LIAS: variants seen among roughly 807,000 people sequenced by gnomAD.
LIAS encodes the protein lipoic acid synthetase, also known as lipoyl synthase, mitochondrial.
Under a neutral mutation model 49.4 loss-of-function variants are expected in LIAS, and 36 were observed. The ratio of observed to expected loss-of-function variants is 0.73; its 90% CI spans 0.56 to 0.96. The LOEUF is 0.96. LIAS is among the 40% of genes least tolerant of loss of function. The probability of loss-of-function intolerance (pLI) is 0.00; values close to 1 mark genes in which losing one functional copy is unlikely to be tolerated. For synonymous variants in LIAS, 145 were observed against 155.8 expected, an observed-to-expected ratio of 0.93 and a Z score of 0.52; for missense variants, 399 against 456.3, an observed-to-expected ratio of 0.87 and a Z score of 1.14.
intron 7 of LIAS, chr4:39,469,207 G>C (rs1291565999): frequency 6.6e-6 from 1 of 152,162 alleles, no homozygotes; most frequent in African/African-American, 2.4e-5. Context: ...ATAAACAGTA[G>C]AGACCATAAC....
At chr4:39,461,034 C>A in intron 2 of LIAS, 72 bp downstream of exon 2, 1 of 1,280,698 alleles carries the variant, frequency 7.8e-7, no homozygotes, top group Non-Finnish European at 1.1e-6. Context: ...ATAACCAAGC[C>A]CTAGAATCTG....
intron 6 of LIAS, 132 bp from the exon 7 acceptor site, chr4:39,467,386 C>A: frequency 1.3e-6 from 1 of 761,496 alleles, no homozygotes; most frequent in Non-Finnish European, 1.9e-6. Context: ...TCTGTATGTT[C>A]ATACTTTTCT....
chr4:39,459,057 T>G lies in LIAS; in HGVS notation c.-61T>G. On this transcript the variant is annotated 5_prime_UTR_variant, in exon 1 of 11. Transcript: ENST00000640888. ...TAAATGGAGCGACGTAATTTCGACC[T>G]GTCCTTTCCCGGGAGTTAGCGATCC... The G allele has an allele frequency of 6.3e-7, 1 of 1,585,000 alleles. No individual in the cohort carries two copies. The highest frequency in any genetic ancestry group is 8.7e-7 in the Non-Finnish European group (1 of 1,153,446).
Position 39,462,139 on chromosome 4 carries a change from T to G in LIAS, c.219-57T>G. ...TAATAGAAGAAATTAACTTCAAAGC[T>G]GTGTAATTATTTGGCAGCATATTTG... On this transcript the variant is annotated intron_variant, in intron 2 of 10. Coordinates refer to ENST00000640888, the MANE Select transcript of LIAS (RefSeq NM_006859.4). 3 of 702,372 alleles carry G rather than the reference T, an allele frequency of 4.3e-6. No homozygotes were observed. The Middle Eastern group carries it at 8.6e-4, about 202-fold the overall frequency. The allele number at this position is 702,372 out of a possible 1,614,324, so 43.5% of individuals were successfully genotyped here.
rs1578235162 is a variant in LIAS, at chr4:39,463,511, C to T, written c.313-14C>T. ...TTGTCAACCTAATGGTGTTCCATTT[C>T]CTTTTGCATACAGGTATGTGAGGAA... is the stretch of plus-strand genomic sequence containing the variant. On this transcript the variant is annotated splice_polypyrimidine_tract_variant and intron_variant, in intron 3 of 10. Transcript: ENST00000640888. 1.9e-6 allele frequency: 3 copies of T among 1,580,148 alleles called. No homozygotes were observed. Among genetic ancestry groups the T allele is most frequent in the African/African-American group, 2.7e-5 (2 of 74,038 alleles).
chr4:39,477,032 A>T, intron 10 of LIAS, 31 bp from the exon 11 acceptor site: 1 of 1,368,026 alleles, frequency 7.3e-7, no homozygotes, highest in Non-Finnish European at 1.0e-6. Context: ...CTTTAAATTG[A>T]TATTAATGTG....
At position 39,478,342 on chromosome 4, in the gene LIAS, A is replaced by AAAAAT. The variant is rs1202381901; in HGVS notation, c.*1232_*1236dup. 6.6e-6 allele frequency: 1 copy of AAAAAT among 152,150 alleles called. No individual in the cohort carries two copies. Among genetic ancestry groups the AAAAAT allele is most frequent in the Non-Finnish European group, 1.5e-5 (1 of 68,036 alleles). 9.4% of individuals were successfully genotyped at this position (152,150 alleles called of 1,614,324 possible). On this transcript the variant is annotated 3_prime_UTR_variant, in exon 11 of 11. Transcript: ENST00000640888. The stretch of plus-strand genomic sequence containing the variant: ...AACCTGGTGAAACTCCATTGCTACT[A>AAAAAT]AAAATAAAAAAATTAGCTAGGTGTG...
chr4:39,471,517 ATTTTT>A (rs766866733), intron 9 of LIAS, among the ~76,000 whole-genome samples: 2 of 74,318 alleles, frequency 2.7e-5, no homozygotes, highest in African/African-American at 4.8e-5. Context: ...CATATATATA[ATTTTT>A]TTTTTTTTTT....
chr4:39,467,017 T>C (rs1373246938), intron 6 of LIAS: 1 of 152,142 alleles, frequency 6.6e-6, no homozygotes, highest in East Asian at 1.9e-4. Flanking sequence ...ACCCAGAAAA[T>C]AGTTTTTAAA....
Position 39,465,172 on chromosome 4 carries a change from T to G in LIAS, c.520T>G (p.Tyr174Asp), listed in dbSNP as rs1744710177. The change falls in exon 5 of 11, where the codon TAT becomes GAT. Residue 174 changes from tyrosine to aspartate, a missense_variant. By Grantham distance (160) the Tyr-to-Asp change is radical (BLOSUM62 -3). Coordinates refer to ENST00000640888, the MANE Select transcript of LIAS (RefSeq NM_006859.4). ...AKAIAEWGLD[Y>D]VVLTSVDRDD... ...GGCAATTGCAGAATGGGGTCTGGATTATGTTGTCCTGACATCTGTGGATCG... is the reference window on the plus strand; with the variant it reads ...GGCAATTGCAGAATGGGGTCTGGATGATGTTGTCCTGACATCTGTGGATCG... 1 of 1,614,004 alleles carries G rather than the reference T, an allele frequency of 6.2e-7. No individual in the cohort carries two copies. Among genetic ancestry groups the G allele is most frequent in the African/African-American group, 1.3e-5 (1 of 74,936 alleles).
chr4:39,476,736 T>C, intron 10 of LIAS: 1 of 191,392 alleles, frequency 5.2e-6, no homozygotes, highest in Non-Finnish European at 1.1e-5. Context: ...AGCAATACTT[T>C]GACAGTGATG....
Position 39,462,187 on chromosome 4 carries a change from T to G in LIAS, c.219-9T>G. The stretch of plus-strand genomic sequence containing the variant: ...TTGTTAATAGATAGTTATGTTTGGC[T>G]TTCCTTAGGTTAAGACTACCTCCAT... On this transcript the variant is annotated splice_polypyrimidine_tract_variant and intron_variant, in intron 2 of 10. Coordinates refer to ENST00000640888, the MANE Select transcript of LIAS (RefSeq NM_006859.4). 7.1e-7 allele frequency: 1 copy of G among 1,416,332 alleles called. No individual in the cohort carries two copies. The highest frequency in any genetic ancestry group is 9.5e-7 in the Non-Finnish European group (1 of 1,047,964). 87.7% of individuals were successfully genotyped at this position (1,416,332 alleles called of 1,614,324 possible).
intron 7 of LIAS, chr4:39,469,254 T>C (rs1744891582): frequency 6.6e-6 from 1 of 152,262 alleles, no homozygotes; most frequent in Non-Finnish European, 1.5e-5. Context: ...AAAAGTGATT[T>C]CTATAATGTC....
At chr4:39,473,487 T>G (rs1284500947) in intron 10 of LIAS, 1 of 257,394 alleles carries the variant, frequency 3.9e-6, no homozygotes, top group Non-Finnish European at 7.3e-6. Flanking sequence ...TATTAATTTT[T>G]TCTATGTGTA....
chr4:39,460,698 G>A, intron 1 of LIAS, 92 bp from the exon 2 acceptor site: 1 of 980,490 alleles, frequency 1.0e-6, no homozygotes, highest in Non-Finnish European at 1.5e-6. Flanking sequence ...TCACTTTTTT[G>A]GCTTTACCCT....
In LIAS at chr4:39,462,457, A is replaced by C. The variant is rs114343134; in HGVS notation, c.312+168A>C. On this transcript the variant is annotated intron_variant, in intron 3 of 10. Transcript: ENST00000640888. The stretch of plus-strand genomic sequence containing the variant: ...ATATATTTAGAATCATTTTTCCGGC[A>C]AACAAAGAGATTTTTTGCCCTACGA... Among the ~76,000 whole-genome samples the C allele has an allele frequency of 0.011, 1,698 of 152,278 alleles. 27 individuals carry two copies. The highest frequency in any genetic ancestry group is 0.038 in the African/African-American group (1,566 of 41,542).
Position 39,477,151 on chromosome 4 carries a change from T to A in LIAS, c.*36T>A. 2.0e-6 allele frequency: 3 copies of A among 1,514,756 alleles called. No individual in the cohort carries two copies. Among genetic ancestry groups the A allele is most frequent in the East Asian group, 2.3e-5 (1 of 44,176 alleles). The allele number at this position is 1,514,756 out of a possible 1,614,324, so 93.8% of individuals were successfully genotyped here. A position where few individuals can be genotyped will look rare whatever the true frequency, so the allele number is the denominator to read the frequency against. On this transcript the variant is annotated 3_prime_UTR_variant, in exon 11 of 11. Coordinates refer to ENST00000640888, the MANE Select transcript of LIAS (RefSeq NM_006859.4). ...AGACCTTCAAGATCACAGAAATTTT[T>A]AAAATTTGATTCCAGTTAATAACAG... is the stretch of plus-strand genomic sequence containing the variant.
At position 39,459,141 on chromosome 4, in the gene LIAS, A is replaced by G. The variant is rs750426614; in HGVS notation, c.24A>G (p.Ala8=). The change falls in exon 1 of 11, where the codon GCA becomes GCG. Residue 8 remains alanine, a synonymous_variant. Coordinates refer to ENST00000640888, the MANE Select transcript of LIAS (RefSeq NM_006859.4). ...AAATGTCTCTACGCTGCGGGGATGC[A>G]GCCCGCACCCTGGGGCCCCGGGTGA... The part of the protein sequence containing the change: MSLRCGD[A]ARTLGPRVFG... 3.7e-6 allele frequency: 6 copies of G among 1,613,824 alleles called. No individual in the cohort carries two copies. Among genetic ancestry groups the G allele is most frequent in the Non-Finnish European group, 4.2e-6 (5 of 1,180,002 alleles).
chr4:39,467,533 T>C lies in LIAS; in HGVS notation c.624T>C (p.Leu208=). ...TTCCCCTTAGGAATCCAAAAATCCT[T>C]GTGGAGTGTCTTACTCCTGATTTTC... ...SYLKERNPKI[L]VECLTPDFRG... The change falls in exon 7 of 11, where the codon CTT becomes CTC. Residue 208 remains leucine, a synonymous_variant. Coordinates refer to ENST00000640888, the MANE Select transcript of LIAS (RefSeq NM_006859.4). The C allele has an allele frequency of 6.3e-7, 1 of 1,598,786 alleles. No individual in the cohort carries two copies.
Sources: gnomAD v4.1 joint callset for allele counts (sites outside exome capture counted in the v4.1 genomes callset) on GRCh38, gnomAD v4.1.1 for gene constraint, MANE v1.5 for transcripts, NCBI Gene and HGNC (gene_info 2026-07-23, HGNC 2026-07-21) for gene names.